PRMT3: variants seen among roughly 807,000 people sequenced by gnomAD.
PRMT3 encodes the protein protein arginine methyltransferase 3.
PRMT3 carries 62 observed loss-of-function variants against 71.9 expected under a neutral mutation model. That is an observed-to-expected ratio of 0.86 (90% CI 0.70 to 1.07). PRMT3 has a LOEUF of 1.07. Among genes scored for constraint, PRMT3 ranks in the 50% least tolerant of loss-of-function variants. PRMT3 has a pLI of 0.00. For synonymous variants in PRMT3, 213 were observed against 220.4 expected (o/e 0.97, Z 0.30); for missense variants, 663 against 643.0 (o/e 1.03, Z -0.34).
At chr11:20,407,691 A>G (rs1400236374) in intron 8 of PRMT3, 8 of 351,282 alleles carry the variant, frequency 2.3e-5, no homozygotes, top group African/African-American at 6.3e-5. Flanking sequence ...TTATAATTTC[A>G]ATACGTAATG....
chr11:20,461,588 C>T (rs1565222397), intron 11 of PRMT3, among the ~76,000 whole-genome samples: 1 of 152,028 alleles, frequency 6.6e-6, no homozygotes, highest in South Asian at 2.1e-4. Flanking sequence ...TTACATGCTA[C>T]ATATCTTTTT....
intron 13 of PRMT3, among the ~76,000 whole-genome samples, chr11:20,475,405 T>C: frequency 6.6e-6 from 1 of 152,202 alleles, no homozygotes; most frequent in East Asian, 1.9e-4. Context: ...CAGATGAAGT[T>C]GCTGAATTCA....
intron 10 of PRMT3, among the ~76,000 whole-genome samples, chr11:20,435,763 G>T (rs1849748251): frequency 6.6e-6 from 1 of 152,222 alleles, no homozygotes; most frequent in South Asian, 2.1e-4. Flanking sequence ...ATCAGGAATT[G>T]TGATGCCTCC....
rs1293980597 is a variant in PRMT3 at position 20,387,722 on chromosome 11, G to T, written c.-25G>T. On this transcript the variant is annotated 5_prime_UTR_variant, in exon 1 of 16. Coordinates refer to ENST00000331079, the MANE Select transcript of PRMT3 (RefSeq NM_005788.4). The surrounding 1 kb of genome is among the most constrained non-coding windows in gnomAD (Gnocchi z 4.3). Reference sequence around the variant, plus strand: ...CAACCCGGTCCCCGCCCCCAGACACGCCGGGCTCTCGGGGCACCACAGCCA... The same window carrying T: ...CAACCCGGTCCCCGCCCCCAGACACTCCGGGCTCTCGGGGCACCACAGCCA... The T allele has an allele frequency of 2.6e-6, 4 of 1,523,166 alleles. No homozygotes were observed. The East Asian group carries it at 7.7e-5, about 29-fold the overall frequency. The allele number at this position is 1,523,166 out of a possible 1,614,324, so 94.4% of individuals were successfully genotyped here.
Position 20,462,161 on chromosome 11 carries a change from T to C in PRMT3, c.1254T>C (p.Gly418=). ...DPKTLISEPC[G]IKHIDCHTTS... ...AGACTCTTATTTCAGAACCTTGTGG[T>C]ATTAAGGTAGGTGTTTTACCAACTT... Residue 418 remains glycine, a synonymous_variant, in exon 12 of 16, where the codon GGT becomes GGC. Coordinates refer to ENST00000331079, the MANE Select transcript of PRMT3 (RefSeq NM_005788.4). The C allele has an allele frequency of 6.3e-7, 1 of 1,592,926 alleles. No homozygotes were observed. Among genetic ancestry groups the C allele is most frequent in the Non-Finnish European group, 8.6e-7 (1 of 1,166,056 alleles).
At chr11:20,437,452 GGTGA>G (rs1260054927) in intron 10 of PRMT3, among the ~76,000 whole-genome samples, 2 of 152,162 alleles carry the variant, frequency 1.3e-5, no homozygotes, top group Admixed American at 6.5e-5. Flanking sequence ...GGAATGGTGT[GGTGA>G]GTATGTTTCC....
chr11:20,428,429 CA>C (rs1198361254), intron 10 of PRMT3, among the ~76,000 whole-genome samples: 1 of 152,150 alleles, frequency 6.6e-6, no homozygotes, highest in Admixed American at 6.5e-5. Context: ...TATCTGATTA[CA>C]ATAACTAATG....
intron 11 of PRMT3, among the ~76,000 whole-genome samples, chr11:20,457,137 T>C (rs953701428): frequency 2.6e-5 from 4 of 152,154 alleles, no homozygotes; most frequent in Admixed American, 6.5e-5. Flanking sequence ...TTTGGTGTTT[T>C]TGTTTTGTTT....
intron 9 of PRMT3, among the ~76,000 whole-genome samples, chr11:20,424,871 A>G (rs1370935624): frequency 6.6e-6 from 1 of 152,164 alleles, no homozygotes; most frequent in Non-Finnish European, 1.5e-5. Context: ...CTGTAATCCC[A>G]GCACTTTGGG....
At chr11:20,423,139 T>C (rs931035455) in intron 9 of PRMT3, among the ~76,000 whole-genome samples, 6 of 152,226 alleles carry the variant, frequency 3.9e-5, no homozygotes, top group African/African-American at 1.4e-4. Context: ...TCTGATCTTA[T>C]GTATTCTTTC....
intron 15 of PRMT3, among the ~76,000 whole-genome samples, chr11:20,497,013 A>G (rs1253355640): frequency 6.6e-6 from 1 of 152,104 alleles, no homozygotes; most frequent in Non-Finnish European, 1.5e-5. Context: ...TAGCTCTGGT[A>G]TTTGGATTGA....
At chr11:20,442,101 A>G (rs1316339458) in intron 10 of PRMT3, among the ~76,000 whole-genome samples, 1 of 152,200 alleles carries the variant, frequency 6.6e-6, no homozygotes, top group Non-Finnish European at 1.5e-5. Context: ...CTAGTTTCAG[A>G]ACTTAAATAC....
At chr11:20,477,623 C>T (rs1850823854) in intron 13 of PRMT3, among the ~76,000 whole-genome samples, 1 of 152,054 alleles carries the variant, frequency 6.6e-6, no homozygotes, top group South Asian at 2.1e-4. Flanking sequence ...GGTATTTACT[C>T]TCCTGAGGAT....
At chr11:20,499,314 A>G (rs1851403278) in intron 15 of PRMT3, among the ~76,000 whole-genome samples, 1 of 152,222 alleles carries the variant, frequency 6.6e-6, no homozygotes, top group African/African-American at 2.4e-5. Context: ...ATCCTGAAAA[A>G]AGTACCCAAT....
chr11:20,418,956 C>G (rs1246383923), intron 9 of PRMT3, among the ~76,000 whole-genome samples: 1 of 152,166 alleles, frequency 6.6e-6, no homozygotes, highest in African/African-American at 2.4e-5. Context: ...CTCCACTGCT[C>G]TTTCTCAATC....
intron 14 of PRMT3, 27 bp from the exon 15 acceptor site, chr11:20,494,140 A>T (rs751855973): frequency 6.4e-6 from 10 of 1,560,980 alleles, no homozygotes; most frequent in African/African-American, 5.4e-5. Flanking sequence ...GTACTTCATC[A>T]AATACCTTTG....
chr11:20,414,714 A>G (rs1590046512), intron 9 of PRMT3, among the ~76,000 whole-genome samples: 2 of 152,152 alleles, frequency 1.3e-5, no homozygotes, highest in African/African-American at 4.8e-5. Context: ...TTGATCCATC[A>G]TATGGCCATA....
intron 11 of PRMT3, among the ~76,000 whole-genome samples, chr11:20,456,725 T>TA (rs575133730): frequency 2.0e-5 from 3 of 151,838 alleles, no homozygotes; most frequent in Admixed American, 6.6e-5. Context: ...ATTTCTGCTT[T>TA]AAAAAAAAGA....
At chr11:20,462,873 AG>A (rs1227262979) in intron 12 of PRMT3, among the ~76,000 whole-genome samples, 1 of 151,518 alleles carries the variant, frequency 6.6e-6, no homozygotes, top group Non-Finnish European at 1.5e-5. Flanking sequence ...CTTTGTCTCA[AG>A]AGAAAAAAAA....
Sources: allele counts gnomAD v4.1 joint callset (sites outside exome capture counted in the v4.1 genomes callset), GRCh38; gene constraint gnomAD v4.1.1; non-coding constraint Gnocchi (gnomAD v3.1); transcripts MANE v1.5; gene names NCBI Gene and HGNC (gene_info 2026-07-23, HGNC 2026-07-21).